The following DDX49 variants were observed in gnomAD, a reference collection of about 807,000 sequenced individuals.
DDX49 encodes the protein probable ATP-dependent RNA helicase DDX49.
Under a neutral mutation model 56.3 loss-of-function variants are expected in DDX49, and 50 were observed. The ratio of observed to expected loss-of-function variants is 0.89; its 90% CI spans 0.71 to 1.12. The LOEUF is 1.12. Among genes scored for constraint, DDX49 ranks in the 50% most tolerant of loss-of-function variants. DDX49 has a pLI of 0.00. For missense variants in DDX49, 614 were observed against 650.5 expected, an observed-to-expected ratio of 0.94 and a Z score of 0.61; for synonymous variants, 269 against 270.6, an observed-to-expected ratio of 0.99 and a Z score of 0.06.
intron 9 of DDX49, among the ~76,000 whole-genome samples, chr19:18,925,736 A>G (rs974888182): frequency 1.3e-5 from 2 of 152,166 alleles, no homozygotes; most frequent in African/African-American, 4.8e-5. Context: ...AGGGAGGGGC[A>G]TGGTGTCCAT....
chr19:18,920,827 T>A, intron 2 of DDX49, 124 bp downstream of exon 2: 1 of 1,000,484 alleles, frequency 1.0e-6, no homozygotes, highest in Non-Finnish European at 1.4e-6. Flanking sequence ...TGCTACCCGC[T>A]TCTTAGGGGT....
In DDX49 at chr19:18,924,980, G is replaced by T; in HGVS notation, c.1027+1G>T. The T allele has an allele frequency of 6.2e-7, 1 of 1,609,808 alleles. No homozygotes were observed. The highest frequency in any genetic ancestry group is 8.5e-7 in the Non-Finnish European group (1 of 1,179,626). ...CGAGTCGGCCGGACGGCCCGTGCAG[G>T]TGAGCAGTGGAGGGGGAGGCCGAGC... is the stretch of plus-strand genomic sequence containing the variant. On this transcript the variant is annotated splice_donor_variant, in intron 9 of 12. Coordinates refer to ENST00000247003, the MANE Select transcript of DDX49 (RefSeq NM_019070.5). LOFTEE classifies it high-confidence loss of function.
In DDX49 at chr19:18,928,482, T is replaced by A; in HGVS notation, c.*166T>A. On this transcript the variant is annotated 3_prime_UTR_variant, in exon 13 of 13. Transcript: ENST00000247003. ...CCCTGCTCCTCTGCCCCGAAACCAC[T>A]GGCTGGTCCCTTCCCTGAGCCCTGG... The A allele has an allele frequency of 1.5e-6, 1 of 664,364 alleles. No homozygotes were observed. Among genetic ancestry groups the A allele is most frequent in the Non-Finnish European group, 2.5e-6 (1 of 405,036 alleles). 41.2% of individuals were successfully genotyped at this position (664,364 alleles called of 1,614,324 possible). A position where few individuals can be genotyped will look rare whatever the true frequency, so the allele number is the denominator to read the frequency against.
chr19:18,927,323 C>T (rs1215821576), intron 10 of DDX49, among the ~76,000 whole-genome samples: 3 of 152,048 alleles, frequency 2.0e-5, no homozygotes. Context: ...GCTACAGTGA[C>T]CTGATTGAGC....
chr19:18,928,544 C>T lies in DDX49; in HGVS notation c.*228C>T, dbSNP rs941206281. 6 of 538,728 alleles carry T rather than the reference C, an allele frequency of 1.1e-5. No individual in the cohort carries two copies. Among genetic ancestry groups the T allele is most frequent in the East Asian group, 3.2e-5 (1 of 31,410 alleles). 33.4% of individuals were successfully genotyped at this position (538,728 alleles called of 1,614,324 possible). ...GCTGCAGGGGAAGAAAGAACATGAC[C>T]GGGAGGTTGTGACCCCAACCCAAGG... On this transcript the variant is annotated 3_prime_UTR_variant, in exon 13 of 13. Coordinates refer to ENST00000247003, the MANE Select transcript of DDX49 (RefSeq NM_019070.5).
At chr19:18,920,483 C>T in intron 1 of DDX49, 97 bp from the exon 2 acceptor site, 1 of 1,355,314 alleles carries the variant, frequency 7.4e-7, no homozygotes, top group Non-Finnish European at 1.0e-6. Flanking sequence ...GGTTCCAGTC[C>T]AGCCTGCCAC....
At chr19:18,926,741 ATC>A (rs907974433) in intron 10 of DDX49, among the ~76,000 whole-genome samples, 1 of 152,160 alleles carries the variant, frequency 6.6e-6, no homozygotes, top group Admixed American at 6.6e-5. Context: ...TTCCTAAGGT[ATC>A]TCTGATCACT....
chr19:18,927,465 G>GA (rs1055916383), intron 10 of DDX49, among the ~76,000 whole-genome samples: 4 of 151,794 alleles, frequency 2.6e-5, no homozygotes, highest in East Asian at 3.9e-4. Flanking sequence ...TGCTAACACC[G>GA]AAAAAAAATG....
At position 18,924,349 on chromosome 19, in the gene DDX49, C is replaced by A. The variant is rs764943039; in HGVS notation, c.852+41C>A. The A allele has an allele frequency of 4.0e-6, 6 of 1,483,454 alleles. No homozygotes were observed. In the South Asian group the frequency reaches 6.8e-5, roughly 17 times the overall value. 91.9% of individuals were successfully genotyped at this position (1,483,454 alleles called of 1,614,324 possible). The stretch of plus-strand genomic sequence containing the variant: ...GGCCCGCCAGCCTCACCCTGGGATA[C>A]CTTCCCCGCCTCAGACATTGGCCCC... On this transcript the variant is annotated intron_variant, in intron 7 of 12. Coordinates refer to ENST00000247003, the MANE Select transcript of DDX49 (RefSeq NM_019070.5).
chr19:18,922,838 C>T (rs1159578570), intron 6 of DDX49, 94 bp downstream of exon 6: 1 of 1,473,162 alleles, frequency 6.8e-7, no homozygotes, highest in Non-Finnish European at 9.3e-7. Context: ...TCTCAGCACT[C>T]CCCAGCCTCT....
At chr19:18,927,734 C>T (rs1362828494) in intron 10 of DDX49, 32 bp from the exon 11 acceptor site, 2 of 1,566,424 alleles carry the variant, frequency 1.3e-6, no homozygotes, top group Admixed American at 1.7e-5. Context: ...GTCTCCTCCC[C>T]ACCCCCACCC....
intron 9 of DDX49, 87 bp downstream of exon 9, chr19:18,925,066 G>A (rs2056950412): frequency 6.7e-7 from 1 of 1,497,056 alleles, no homozygotes; most frequent in Non-Finnish European, 8.9e-7. Flanking sequence ...TGGGTAGGGT[G>A]CAGCCCACAG....
intron 10 of DDX49, among the ~76,000 whole-genome samples, chr19:18,926,904 CT>C (rs1211703755): frequency 6.6e-6 from 1 of 151,114 alleles, no homozygotes; most frequent in Non-Finnish European, 1.5e-5. Context: ...GAAACCCCGT[CT>C]CTACTAAAAA....
chr19:18,922,284 C>T (rs974457693), intron 4 of DDX49, 42 bp from the exon 5 acceptor site: 1 of 1,589,552 alleles, frequency 6.3e-7, no homozygotes, highest in Non-Finnish European at 8.6e-7. Flanking sequence ...AGACCCGGGG[C>T]CATGGACGGC....
At chr19:18,926,069 A>T (rs1476436613) in intron 9 of DDX49, among the ~76,000 whole-genome samples, 2 of 152,196 alleles carry the variant, frequency 1.3e-5, no homozygotes, top group Admixed American at 1.3e-4. Flanking sequence ...ATCGGGCAGT[A>T]ACTAACTGCT....
At position 18,919,798 on chromosome 19, in the gene DDX49, G is replaced by A; in HGVS notation, c.57G>A (p.Gln19=). ...LSSWLVEQCR[Q]LGLKQPTPVQ... is the part of the protein sequence containing the mutation. ...CGTGGCTCGTGGAACAATGTCGGCA[G>A]CTGGGTTTGAAGCAGCCCACGCCCG... Residue 19 remains glutamine, a synonymous_variant, in exon 1 of 13, where the codon CAG becomes CAA. Coordinates refer to ENST00000247003, the MANE Select transcript of DDX49 (RefSeq NM_019070.5). 6.2e-7 allele frequency: 1 copy of A among 1,612,878 alleles called. No homozygotes were observed. Among genetic ancestry groups the A allele is most frequent in the South Asian group, 1.1e-5 (1 of 91,084 alleles).
intron 6 of DDX49, among the ~76,000 whole-genome samples, chr19:18,923,650 T>C (rs2056936953): frequency 6.6e-6 from 1 of 152,008 alleles, no homozygotes. Context: ...GCTGGCTCCT[T>C]CTTGGCCTTC....
rs980117863 is a variant in DDX49 at position 18,928,564 on chromosome 19, C to A, written c.*248C>A. On this transcript the variant is annotated 3_prime_UTR_variant, in exon 13 of 13. Transcript: ENST00000247003. ...ATGACCGGGAGGTTGTGACCCCAAC[C>A]CAAGGTCACCCCCCAGGGGTGCCGC... 2.0e-6 allele frequency: 1 copy of A among 509,582 alleles called. No homozygotes were observed. The highest frequency in any genetic ancestry group is 2.9e-5 in the South Asian group (1 of 34,726). 31.6% of individuals were successfully genotyped at this position (509,582 alleles called of 1,614,324 possible).
At position 18,924,311 on chromosome 19, in the gene DDX49, G is replaced by A. The variant is rs1220271589; in HGVS notation, c.852+3G>A. 1.2e-6 allele frequency: 2 copies of A among 1,611,246 alleles called. No homozygotes were observed. The highest frequency in any genetic ancestry group is 1.4e-5 in the African/African-American group (1 of 73,770). On this transcript the variant is annotated splice_donor_region_variant and intron_variant, in intron 7 of 12. Coordinates refer to ENST00000247003, the MANE Select transcript of DDX49 (RefSeq NM_019070.5). ...CTCTGCACTCCATGATGAAGCAGGT[G>A]AGGCCACCCTGGGGCCCGCCAGCCT...
Sources: allele counts gnomAD v4.1 joint callset (sites outside exome capture counted in the v4.1 genomes callset), GRCh38; gene constraint gnomAD v4.1.1; transcripts MANE v1.5; gene names NCBI Gene and HGNC (gene_info 2026-07-23, HGNC 2026-07-21).